TENM4: variants seen among roughly 807,000 people sequenced by gnomAD.
TENM4 encodes the protein teneurin transmembrane protein 4.
In TENM4, 82 loss-of-function variants were observed where a neutral mutation model predicts 243.3. That is an observed-to-expected ratio of 0.34 (90% CI 0.28 to 0.40). The LOEUF (loss-of-function observed/expected upper bound fraction) is 0.40. TENM4 is among the 10% of genes least tolerant of loss of function. The pLI, the probability that TENM4 is intolerant of heterozygous loss-of-function variation, is 1.00. For synonymous variants in TENM4, 1,412 were observed against 1,456.3 expected (o/e 0.97, Z 0.69); for missense variants, 3,138 against 3,673.3 (o/e 0.85, Z 3.77).
intron 23 of TENM4, among the ~76,000 whole-genome samples, 198 bp from the exon 24 acceptor site, chr11:78,723,115 T>C (rs569895003): frequency 6.6e-6 from 1 of 152,342 alleles, no homozygotes; most frequent in South Asian, 2.1e-4. Context: ...TTTAATTCAC[T>C]CCATAGCTCT....
At chr11:79,222,304 T>A (rs11237768) in intron 2 of TENM4, among the ~76,000 whole-genome samples, 7,343 of 152,282 alleles carry the variant, frequency 0.048, 262 homozygotes, top group African/African-American at 0.1. Context: ...GGCTTCCAGC[T>A]CCATCCGTGT....
At chr11:78,826,603 A>G (rs1045026108) in intron 12 of TENM4, among the ~76,000 whole-genome samples, 2 of 152,120 alleles carry the variant, frequency 1.3e-5, no homozygotes, top group Non-Finnish European at 2.9e-5. Context: ...TGTCTACTCC[A>G]GATGATAAGG....
intron 1 of TENM4, among the ~76,000 whole-genome samples, chr11:79,437,635 A>T (rs1859302821): frequency 6.6e-6 from 1 of 152,086 alleles, no homozygotes; most frequent in Non-Finnish European, 1.5e-5. Context: ...CTCCTGTACC[A>T]CGAAGACAAC....
intron 23 of TENM4, among the ~76,000 whole-genome samples, chr11:78,725,841 G>T (rs932073749): frequency 2.0e-5 from 3 of 152,192 alleles, no homozygotes; most frequent in African/African-American, 7.2e-5. Flanking sequence ...GAAACTGCCT[G>T]GTGAGTATTT....
intron 6 of TENM4, among the ~76,000 whole-genome samples, chr11:79,015,289 G>T (rs1858743136): frequency 6.6e-6 from 1 of 152,182 alleles, no homozygotes; most frequent in South Asian, 2.1e-4. Context: ...CCAAGTTCAT[G>T]GTCTAAGCCA....
At position 78,672,049 on chromosome 11, in the gene TENM4, T is replaced by C. The variant is rs1384135564; in HGVS notation, c.5777A>G (p.Tyr1926Cys). The change falls in exon 31 of 34, where the codon TAC (tyrosine) becomes TGC (cysteine). Residue 1926 changes from tyrosine to cysteine, a missense_variant. By Grantham distance (194) the Tyr-to-Cys change is radical. Transcript: ENST00000278550. ...GACACCTGCCTTCTCTAAGTATGTG[T>C]AGCTCCATGTCTTCCCATCAGCGAA... is the stretch of plus-strand genomic sequence containing the variant. The part of the protein sequence containing the change: ...RIFADGKTWS[Y>C]TYLEKSMVLL... 6.2e-7 allele frequency: 1 copy of C among 1,613,654 alleles called. No homozygotes were observed. Among genetic ancestry groups the C allele is most frequent in the African/African-American group, 1.3e-5 (1 of 74,930 alleles).
At chr11:78,661,396 C>T (rs963249843) in intron 33 of TENM4, 53 bp downstream of exon 33, 4 of 1,575,182 alleles carry the variant, frequency 2.5e-6, no homozygotes, top group Non-Finnish European at 3.4e-6. Context: ...GAAGGGACCC[C>T]CTCCAGTAAT....
intron 1 of TENM4, among the ~76,000 whole-genome samples, chr11:79,429,595 G>A (rs1235425862): frequency 3.3e-5 from 5 of 152,104 alleles, no homozygotes; most frequent in Admixed American, 6.5e-5. Flanking sequence ...GACAATCCAA[G>A]GAACTTGCTT....
rs190013308 is a variant in TENM4 at position 79,180,541 on chromosome 11, C to T, written c.-162-31735G>A. ...CTCATTTATACAGTGAGAACAATACCGCGCACTTGGCAAGTTTGGAGACCT... is the reference window on the plus strand; with the variant it reads ...CTCATTTATACAGTGAGAACAATACTGCGCACTTGGCAAGTTTGGAGACCT... On this transcript the variant is annotated intron_variant, in intron 3 of 33. Transcript: ENST00000278550. Among the ~76,000 whole-genome samples the T allele has an allele frequency of 3.6e-3, 547 of 151,724 alleles. 19 individuals carry two copies. In the South Asian group the frequency reaches 0.04, roughly 11 times the overall value.
intron 1 of TENM4, among the ~76,000 whole-genome samples, chr11:79,355,551 A>T (rs753046623): frequency 2.9e-4 from 29 of 100,226 alleles, no homozygotes; most frequent in Non-Finnish European, 5.9e-4. Context: ...CAAACAAACA[A>T]AACAATTGAA....
chr11:79,361,845 G>A (rs534954498), intron 1 of TENM4, among the ~76,000 whole-genome samples: 1 of 152,290 alleles, frequency 6.6e-6, no homozygotes, highest in Non-Finnish European at 1.5e-5. Context: ...TAGGAGGAAA[G>A]AATAGACTAT....
intron 15 of TENM4, among the ~76,000 whole-genome samples, chr11:78,794,809 A>T (rs1428696124): frequency 6.6e-6 from 1 of 152,188 alleles, no homozygotes; most frequent in East Asian, 1.9e-4. Flanking sequence ...ATTAGTGTCA[A>T]GGAAGAAAAA....
chr11:78,778,690 C>G (rs1364040610), intron 16 of TENM4, 62 bp from the exon 17 acceptor site: 1 of 1,479,602 alleles, frequency 6.8e-7, no homozygotes, highest in Non-Finnish European at 9.4e-7. Context: ...TCGCCTGCCA[C>G]ATAACCATGC....
intron 1 of TENM4, among the ~76,000 whole-genome samples, chr11:79,339,364 A>G (rs924577620): frequency 1.3e-5 from 2 of 152,200 alleles, no homozygotes; most frequent in African/African-American, 4.8e-5. Flanking sequence ...ATAGGTCAGG[A>G]AAGTCCTGGT....
chr11:78,775,845 A>C (rs1255960100), intron 17 of TENM4, among the ~76,000 whole-genome samples: 1 of 152,238 alleles, frequency 6.6e-6, no homozygotes, highest in Non-Finnish European at 1.5e-5. Context: ...ATGCCCTTTA[A>C]ATGACAAGGG....
At chr11:79,371,697 T>G (rs928228604) in intron 1 of TENM4, among the ~76,000 whole-genome samples, 6 of 152,210 alleles carry the variant, frequency 3.9e-5, no homozygotes, top group Admixed American at 6.5e-5. Context: ...TTTCATGAGT[T>G]CCTTGAGAAA....
At chr11:79,196,032 C>T (rs1863620063) in intron 3 of TENM4, among the ~76,000 whole-genome samples, 1 of 152,098 alleles carries the variant, frequency 6.6e-6, no homozygotes. Context: ...ATGGGTTTAT[C>T]AGGGGTTTCC....
intron 30 of TENM4, among the ~76,000 whole-genome samples, chr11:78,675,710 G>A (rs1334169559): frequency 6.6e-6 from 1 of 152,348 alleles, no homozygotes; most frequent in Non-Finnish European, 1.5e-5. Context: ...GCTAGCAATA[G>A]TAATAGCAAT....
chr11:79,287,069 GT>G (rs944082008), intron 2 of TENM4, among the ~76,000 whole-genome samples: 1 of 152,216 alleles, frequency 6.6e-6, no homozygotes, highest in Non-Finnish European at 1.5e-5. Flanking sequence ...ATTTGCATAT[GT>G]TTGTTGCGAA....
Sources: allele counts gnomAD v4.1 joint callset (sites outside exome capture counted in the v4.1 genomes callset), GRCh38; gene constraint gnomAD v4.1.1; transcripts MANE v1.5; gene names NCBI Gene and HGNC (gene_info 2026-07-23, HGNC 2026-07-21).